LBX1: variants seen among roughly 807,000 people sequenced by gnomAD.
LBX1 encodes the protein ladybird homeobox 1, also known as transcription factor LBX1.
A neutral mutation model predicts 19.9 loss-of-function variants in LBX1; 6 were observed. The observed-to-expected ratio is 0.30, with a 90% CI of 0.17 to 0.60. The LOEUF (loss-of-function observed/expected upper bound fraction) is 0.60. LBX1 is among the 20% of genes least tolerant of loss of function. The pLI, the probability that LBX1 is intolerant of heterozygous loss-of-function variation, is 0.87. For missense variants in LBX1, 344 were observed against 393.7 expected (o/e 0.87, Z 1.07); for synonymous variants, 190 against 189.3 (o/e 1.00, Z -0.03).
rs762964434 is a variant in LBX1 at position 101,229,403 on chromosome 10, C to T, written c.-588G>A. 4.9e-4 allele frequency: 104 copies of T among 210,824 alleles called. No homozygotes were observed. The highest frequency in any genetic ancestry group is 2.2e-3 in the Admixed American group (34 of 15,524). The allele number at this position is 210,824 out of a possible 1,614,324, so 13.1% of individuals were successfully genotyped here. A position where few individuals can be genotyped will look rare whatever the true frequency, so the allele number is the denominator to read the frequency against. ...CTCTCTTCTCTCTTCTCTGCTCCCC[C>T]CTTCTCTCTCCTTCTCTCCCTCTCC... On this transcript the variant is annotated 5_prime_UTR_variant, in exon 1 of 2. Transcript: ENST00000370193. The surrounding 1 kb of genome is among the most constrained non-coding windows in gnomAD (Gnocchi z 6.4).
intron 1 of LBX1, 58 bp downstream of exon 1, chr10:101,228,433 C>A (rs536150973): frequency 3.6e-6 from 5 of 1,382,404 alleles, no homozygotes; most frequent in Admixed American, 2.3e-5. Flanking sequence ...GGGGACGAAG[C>A]GCGCAGGGCA....
intron 1 of LBX1, 95 bp downstream of exon 1, chr10:101,228,396 G>A: frequency 1.0e-6 from 1 of 952,622 alleles, no homozygotes; most frequent in South Asian, 1.7e-5. Context: ...CTGGCGGCCG[G>A]AGAGGGCAGA....
Position 101,227,183 on chromosome 10 carries a change from T to G in LBX1, c.*87A>C. 1 of 1,350,644 alleles carries G rather than the reference T, an allele frequency of 7.4e-7. No individual in the cohort carries two copies. Among genetic ancestry groups the G allele is most frequent in the South Asian group, 1.4e-5 (1 of 73,010 alleles). The allele number at this position is 1,350,644 out of a possible 1,614,324, so 83.7% of individuals were successfully genotyped here. A position where few individuals can be genotyped will look rare whatever the true frequency, so the allele number is the denominator to read the frequency against. On this transcript the variant is annotated 3_prime_UTR_variant, in exon 2 of 2. Transcript: ENST00000370193. Reference sequence around the variant, plus strand: ...AGGAGGCGGGAGTTGGCAGAGGAGGTCCCAGCTCCCCTCGGCGGTCCGGTC... The same window carrying G: ...AGGAGGCGGGAGTTGGCAGAGGAGGGCCCAGCTCCCCTCGGCGGTCCGGTC...
At position 101,227,197 on chromosome 10, in the gene LBX1, G is replaced by C. The variant is rs967861736; in HGVS notation, c.*73C>G. The C allele has an allele frequency of 6.8e-6, 10 of 1,462,540 alleles. 1 individual carries two copies. In the South Asian group the frequency reaches 1.3e-4, roughly 18 times the overall value. The allele number at this position is 1,462,540 out of a possible 1,614,324, so 90.6% of individuals were successfully genotyped here. On this transcript the variant is annotated 3_prime_UTR_variant, in exon 2 of 2. Transcript: ENST00000370193. ...GGCAGAGGAGGTCCCAGCTCCCCTC[G>C]GCGGTCCGGTCCGGGAGGCGTTGGG... is the stretch of plus-strand genomic sequence containing the variant.
Position 101,227,051 on chromosome 10 carries a change from C to T in LBX1, c.*219G>A. 1 of 482,470 alleles carries T rather than the reference C, an allele frequency of 2.1e-6. No homozygotes were observed. Among genetic ancestry groups the T allele is most frequent in the South Asian group, 3.5e-5 (1 of 28,838 alleles). The allele number at this position is 482,470 out of a possible 1,614,324, so 29.9% of individuals were successfully genotyped here. A position where few individuals can be genotyped will look rare whatever the true frequency, so the allele number is the denominator to read the frequency against. On this transcript the variant is annotated 3_prime_UTR_variant, in exon 2 of 2. Transcript: ENST00000370193. ...AATTGCACGGCGAGGGCTTCCGGGG[C>T]GGCGGAGGCCGCTGGTGGCGGCCGG...
Position 101,227,396 on chromosome 10 carries a change from G to A in LBX1, c.720C>T (p.Gly240=). 1 of 1,602,576 alleles carries A rather than the reference G, an allele frequency of 6.2e-7. No homozygotes were observed. The highest frequency in any genetic ancestry group is 8.5e-7 in the Non-Finnish European group (1 of 1,176,814). ...SRPGSPVLPP[G]APKAPGAGAL... ...CGCCAGCGCCCGGGGCCTTCGGGGC[G>A]CCTGGGGGGAGGACCGGAGAGCCGG... The change falls in exon 2 of 2, where the codon GGC becomes GGT. Residue 240 remains glycine, a synonymous_variant. Coordinates refer to ENST00000370193, the MANE Select transcript of LBX1 (RefSeq NM_006562.5).
Position 101,227,163 on chromosome 10 carries a change from G to T in LBX1, c.*107C>A. Reference sequence around the variant, plus strand: ...TCCGGGGCCGGGGACAGGGGAGGAGGCGGGAGTTGGCAGAGGAGGTCCCAG... The same window carrying T: ...TCCGGGGCCGGGGACAGGGGAGGAGTCGGGAGTTGGCAGAGGAGGTCCCAG... On this transcript the variant is annotated 3_prime_UTR_variant, in exon 2 of 2. Coordinates refer to ENST00000370193, the MANE Select transcript of LBX1 (RefSeq NM_006562.5). 1.8e-6 allele frequency: 2 copies of T among 1,087,204 alleles called. No homozygotes were observed. The highest frequency in any genetic ancestry group is 2.7e-5 in the East Asian group (1 of 36,994). The allele number at this position is 1,087,204 out of a possible 1,614,324, so 67.3% of individuals were successfully genotyped here.
In LBX1 at chr10:101,227,475, T is replaced by C. The variant is rs1941059572; in HGVS notation, c.641A>G (p.Asn214Ser). Residue 214 changes from asparagine (N) to serine (S), a missense_variant, in exon 2 of 2, where the codon AAC (asparagine) becomes AGC (serine). Asn to Ser is a conservative substitution (Grantham distance 46). Transcript: ENST00000370193. Reference sequence around the variant, plus strand: ...GCCACCGCCGGCTGTGGCCTCCGAGTTCTGCTCGAGTTCGGCCAGCGCCAC... The same window carrying C: ...GCCACCGCCGGCTGTGGCCTCCGAGCTCTGCTCGAGTTCGGCCAGCGCCAC... Reference protein sequence around the residue: ...DIVALAELEQNSEATAGGGGG... With the variant: ...DIVALAELEQSSEATAGGGGG... The C allele has an allele frequency of 3.1e-6, 5 of 1,606,526 alleles. No homozygotes were observed. Among genetic ancestry groups the C allele is most frequent in the Non-Finnish European group, 4.3e-6 (5 of 1,175,688 alleles).
chr10:101,228,655 C>T lies in LBX1; in HGVS notation c.161G>A (p.Cys54Tyr), dbSNP rs1453337590. Reference sequence around the variant, plus strand: ...GGCGGCCAGCAGGTGCGCCGCCCCGCACAGCGAGTAACTTCTCCGCACAGA... The same window carrying T: ...GGCGGCCAGCAGGTGCGCCGCCCCGTACAGCGAGTAACTTCTCCGCACAGA... ...KPSVRRSYSL[C>Y]GAAHLLAAAD... Residue 54 changes from cysteine to tyrosine, a missense_variant, in exon 1 of 2, where the codon TGC (cysteine) becomes TAC (tyrosine). Physicochemically the swap from Cys to Tyr is radical, Grantham distance 194. Coordinates refer to ENST00000370193, the MANE Select transcript of LBX1 (RefSeq NM_006562.5). 2 of 1,598,640 alleles carry T rather than the reference C, an allele frequency of 1.3e-6. No homozygotes were observed.
In LBX1 at chr10:101,227,019, C is replaced by A; in HGVS notation, c.*251G>T. 1 of 405,022 alleles carries A rather than the reference C, an allele frequency of 2.5e-6. No homozygotes were observed. Among genetic ancestry groups the A allele is most frequent in the Non-Finnish European group, 4.3e-6 (1 of 229,966 alleles). 25.1% of individuals were successfully genotyped at this position (405,022 alleles called of 1,614,324 possible). On this transcript the variant is annotated 3_prime_UTR_variant, in exon 2 of 2. Transcript: ENST00000370193. ...TAGGTTTAAATATTTATATAGAAGC[C>A]ATACAGAATTGCACGGCGAGGGCTT...
At position 101,227,561 on chromosome 10, in the gene LBX1, C is replaced by T. The variant is rs1424694166; in HGVS notation, c.555G>A (p.Glu185=). 1 of 1,614,106 alleles carries T rather than the reference C, an allele frequency of 6.2e-7. No individual in the cohort carries two copies. Among genetic ancestry groups the T allele is most frequent in the Non-Finnish European group, 8.5e-7 (1 of 1,180,038 alleles). Residue 185 remains glutamate, a synonymous_variant, in exon 2 of 2, where the codon GAG becomes GAA. Transcript: ENST00000370193. ...NRRAKLKRDL[E]EMKADVESAK... ...CGGACTCTACGTCGGCCTTCATCTC[C>T]TCCAGGTCCCGCTTGAGCTTAGCGC...
intron 1 of LBX1, among the ~76,000 whole-genome samples, chr10:101,228,005 G>T (rs1470063507): frequency 6.6e-6 from 1 of 152,176 alleles, no homozygotes; most frequent in Non-Finnish European, 1.5e-5. Flanking sequence ...AGGAAAAATT[G>T]TTTTGGTCTC....
rs1381271558 is a variant in LBX1 at position 101,227,662 on chromosome 10, G to C, written c.454C>G (p.Pro152Ala). 1.2e-6 allele frequency: 2 copies of C among 1,614,162 alleles called. No homozygotes were observed. The highest frequency in any genetic ancestry group is 1.7e-5 in the Admixed American group (1 of 60,034). The change falls in exon 2 of 2, where the codon CCC becomes GCC. Residue 152 changes from proline (P) to alanine (A), a missense_variant. This residue lies in a region of LBX1 where 45 missense variants were observed against 100.7 expected (regional missense o/e 0.45). Coordinates refer to ENST00000370193, the MANE Select transcript of LBX1 (RefSeq NM_006562.5). ...TGCGCGATTTGGTCGCGATCGGCGG[G>C]GGACAGGTACTTCTGGTATAGAAAG... is the stretch of plus-strand genomic sequence containing the variant. ...KRFLYQKYLS[P>A]ADRDQIAQQL...
rs111303170 is a variant in LBX1 at position 101,227,204 on chromosome 10, C to A, written c.*66G>T. The A allele has an allele frequency of 1.3e-6, 2 of 1,498,036 alleles. No homozygotes were observed. The highest frequency in any genetic ancestry group is 2.5e-5 in the South Asian group (2 of 81,436). The allele number at this position is 1,498,036 out of a possible 1,614,324, so 92.8% of individuals were successfully genotyped here. The stretch of plus-strand genomic sequence containing the variant: ...GAGGTCCCAGCTCCCCTCGGCGGTC[C>A]GGTCCGGGAGGCGTTGGGCTTTCGA... On this transcript the variant is annotated 3_prime_UTR_variant, in exon 2 of 2. Transcript: ENST00000370193.
rs1443500331 is a variant in LBX1 at position 101,228,779 on chromosome 10, C to T, written c.37G>A (p.Glu13Lys). The T allele has an allele frequency of 6.3e-7, 1 of 1,597,840 alleles. No individual in the cohort carries two copies. The highest frequency in any genetic ancestry group is 8.5e-7 in the Non-Finnish European group (1 of 1,174,562). Residue 13 changes from glutamate to lysine, a missense_variant, in exon 1 of 2, where the codon GAG becomes AAG. Transcript: ENST00000370193. ...SKEDGKAAPG[E>K]ERRRSPLDHL... ...TCCAGCGGGCTGCGCCGCCGCTCCT[C>T]CCCCGGCGCCGCCTTGCCGTCCTCC...
At position 101,227,074 on chromosome 10, in the gene LBX1, C is replaced by A. The variant is rs1418380270; in HGVS notation, c.*196G>T. The A allele has an allele frequency of 2.0e-6, 1 of 509,818 alleles. No individual in the cohort carries two copies. Among genetic ancestry groups the A allele is most frequent in the African/African-American group, 2.0e-5 (1 of 49,046 alleles). The allele number at this position is 509,818 out of a possible 1,614,324, so 31.6% of individuals were successfully genotyped here. A position where few individuals can be genotyped will look rare whatever the true frequency, so the allele number is the denominator to read the frequency against. On this transcript the variant is annotated 3_prime_UTR_variant, in exon 2 of 2. Transcript: ENST00000370193. The stretch of plus-strand genomic sequence containing the variant: ...GGCGGCGGAGGCCGCTGGTGGCGGC[C>A]GGCCCGGCCGGCCAGCCTGGGTTTA...
rs577653354 is a variant in LBX1, at chr10:101,227,276, G to A, written c.840C>T (p.Asp280=). The A allele has an allele frequency of 1.9e-6, 3 of 1,604,728 alleles. No individual in the cohort carries two copies. The highest frequency in any genetic ancestry group is 1.9e-4 in the Middle Eastern group (1 of 5,330). The change falls in exon 2 of 2, where the codon GAC becomes GAT. Residue 280 remains aspartate (D), a synonymous_variant. Coordinates refer to ENST00000370193, the MANE Select transcript of LBX1 (RefSeq NM_006562.5). ...GGAAGACCCGGGGCGCCGCTCAATC[G>A]TCCACGTCGATCTCTTCGTCTTCCT... ...EDEEDEEIDV[D]D is the part of the protein sequence containing the mutation.
rs1241883132 is a variant in LBX1, at chr10:101,229,375, C to T, written c.-560G>A. ...CTCCTGTTCTCGCTCTCCCTCCCTC[C>T]CTCTCTCTTCTCTCTTCTCTGCTCC... On this transcript the variant is annotated 5_prime_UTR_variant, in exon 1 of 2. Coordinates refer to ENST00000370193, the MANE Select transcript of LBX1 (RefSeq NM_006562.5). This position sits in a 1 kb window ranked among gnomAD's most constrained non-coding sequence, Gnocchi z 6.4. 2 of 179,806 alleles carry T rather than the reference C, an allele frequency of 1.1e-5. No homozygotes were observed. The highest frequency in any genetic ancestry group is 9.4e-5 in the South Asian group (1 of 10,596). 11.1% of individuals were successfully genotyped at this position (179,806 alleles called of 1,614,324 possible).
Position 101,227,525 on chromosome 10 carries a change from C to A in LBX1, c.591G>T (p.Leu197=). The change falls in exon 2 of 2, where the codon CTG becomes CTT. Residue 197 remains leucine, a synonymous_variant. Transcript: ENST00000370193. ...CGATGTCCATCTGCCCGCTGGGGCC[C>A]AGTTTCTTGGCGGACTCTACGTCGG... The part of the protein sequence containing the change: ...MKADVESAKK[L]GPSGQMDIVA... The A allele has an allele frequency of 1.9e-6, 3 of 1,613,724 alleles. No individual in the cohort carries two copies. The highest frequency in any genetic ancestry group is 2.5e-6 in the Non-Finnish European group (3 of 1,179,788).
Sources: gnomAD v4.1 joint callset for allele counts (sites outside exome capture counted in the v4.1 genomes callset) on GRCh38, gnomAD v4.1.1 for gene constraint, gnomAD v4.1.1 regional missense constraint, Gnocchi (gnomAD v3.1) non-coding constraint, MANE v1.5 for transcripts, NCBI Gene and HGNC (gene_info 2026-07-23, HGNC 2026-07-21) for gene names.